NLGN1: variants seen among roughly 807,000 people sequenced by gnomAD.
NLGN1 encodes the protein neuroligin-1.
A neutral mutation model predicts 65.5 loss-of-function variants in NLGN1; 12 were observed. That is an observed-to-expected ratio of 0.18 (90% CI 0.12 to 0.30). NLGN1 has a LOEUF of 0.30. Among genes scored for constraint, NLGN1 ranks in the 10% least tolerant of loss-of-function variants. The probability of loss-of-function intolerance (pLI) is 1.00; values close to 1 mark genes in which losing one functional copy is unlikely to be tolerated. For synonymous variants in NLGN1, 350 were observed against 359.5 expected, an observed-to-expected ratio of 0.97 and a Z score of 0.30; for missense variants, 750 against 1,007.1, an observed-to-expected ratio of 0.74 and a Z score of 3.46.
intron 4 of NLGN1, among the ~76,000 whole-genome samples, chr3:174,234,970 A>G (rs1741412193): frequency 6.9e-6 from 1 of 144,990 alleles, no homozygotes; most frequent in African/African-American, 2.6e-5. Context: ...GAGCTTTGTA[A>G]AATAAAGGAA....
intron 4 of NLGN1, among the ~76,000 whole-genome samples, chr3:173,876,286 A>G (rs550235356): frequency 3.0e-4 from 46 of 152,254 alleles, no homozygotes; most frequent in Non-Finnish European, 5.4e-4. Flanking sequence ...GTTTTGCCTT[A>G]GTAACTTAAC....
At chr3:174,077,019 C>G (rs1580165516) in intron 4 of NLGN1, among the ~76,000 whole-genome samples, 1 of 152,222 alleles carries the variant, frequency 6.6e-6, no homozygotes, top group East Asian at 1.9e-4. Flanking sequence ...ATACAGAATT[C>G]TCTACAGCTA....
At chr3:173,879,713 A>T (rs1284587867) in intron 4 of NLGN1, among the ~76,000 whole-genome samples, 2 of 151,588 alleles carry the variant, frequency 1.3e-5, no homozygotes, top group South Asian at 2.1e-4. Context: ...GGATTCAGTT[A>T]TGTTCTTCCA....
At chr3:173,731,715 A>G (rs1772881087) in intron 3 of NLGN1, among the ~76,000 whole-genome samples, 1 of 152,080 alleles carries the variant, frequency 6.6e-6, no homozygotes, top group Non-Finnish European at 1.5e-5. Flanking sequence ...AAAAATACAA[A>G]TTCTGTTTAA....
chr3:173,723,658 A>G (rs954609226), intron 3 of NLGN1, among the ~76,000 whole-genome samples: 2 of 152,202 alleles, frequency 1.3e-5, no homozygotes, highest in Admixed American at 6.5e-5. Context: ...TTAATTTTCT[A>G]TATAAAAATA....
At chr3:173,581,207 TC>T (rs1204418105) in intron 2 of NLGN1, among the ~76,000 whole-genome samples, 1 of 152,040 alleles carries the variant, frequency 6.6e-6, no homozygotes, top group Non-Finnish European at 1.5e-5. Flanking sequence ...TATTAACTGC[TC>T]AATTGAGTTA....
intron 3 of NLGN1, among the ~76,000 whole-genome samples, chr3:173,760,127 C>T (rs1365773283): frequency 3.9e-5 from 6 of 151,986 alleles, no homozygotes; most frequent in Non-Finnish European, 2.9e-5. Flanking sequence ...ATAAAATCAC[C>T]TCTTTCACTA....
intron 3 of NLGN1, among the ~76,000 whole-genome samples, chr3:173,787,497 T>C (rs1782169296): frequency 6.6e-6 from 1 of 152,192 alleles, no homozygotes; most frequent in Non-Finnish European, 1.5e-5. Context: ...ATAGTTAATA[T>C]TAGTATTAAA....
chr3:173,736,478 G>A (rs980643662), intron 3 of NLGN1, among the ~76,000 whole-genome samples: 4 of 151,858 alleles, frequency 2.6e-5, no homozygotes, highest in Non-Finnish European at 5.9e-5. Context: ...AAAATGGAGG[G>A]GAAATATAAA....
intron 3 of NLGN1, among the ~76,000 whole-genome samples, chr3:173,635,668 T>C (rs1462998964): frequency 6.6e-6 from 1 of 152,208 alleles, no homozygotes; most frequent in Admixed American, 6.5e-5. Flanking sequence ...GGGTGCTTTC[T>C]ATACTTAGAA....
chr3:173,959,765 A>G (rs1036104060), intron 4 of NLGN1, among the ~76,000 whole-genome samples: 2 of 152,290 alleles, frequency 1.3e-5, no homozygotes, highest in African/African-American at 4.8e-5. Context: ...CAGTTTTGCT[A>G]GATTTATAAA....
intron 4 of NLGN1, among the ~76,000 whole-genome samples, chr3:173,994,702 G>T (rs1206778560): frequency 1.3e-5 from 2 of 151,988 alleles, no homozygotes; most frequent in African/African-American, 2.4e-5. Flanking sequence ...CTAATTTTTT[G>T]ACTTTAGGTT....
chr3:174,124,600 CATATAT>C, intron 4 of NLGN1, among the ~76,000 whole-genome samples: 1 of 144,460 alleles, frequency 6.9e-6, no homozygotes, highest in South Asian at 2.2e-4. Context: ...TATACGTATA[CATATAT>C]ACGTATATAT....
At chr3:173,726,322 C>G (rs1431925616) in intron 3 of NLGN1, among the ~76,000 whole-genome samples, 1 of 151,880 alleles carries the variant, frequency 6.6e-6, no homozygotes, top group Non-Finnish European at 1.5e-5. Context: ...GACATGAGCA[C>G]TATTCTTAAT....
At chr3:173,463,738 G>A (rs1394087308) in intron 2 of NLGN1, among the ~76,000 whole-genome samples, 1 of 152,116 alleles carries the variant, frequency 6.6e-6, no homozygotes, top group East Asian at 1.9e-4. Context: ...ACTGTATCAT[G>A]ATAGATTGAA....
chr3:173,506,650 C>A (rs1732086479), intron 2 of NLGN1, among the ~76,000 whole-genome samples: 1 of 152,012 alleles, frequency 6.6e-6, no homozygotes, highest in African/African-American at 2.4e-5. Context: ...CATATAAATA[C>A]CCATATTACA....
At chr3:173,636,254 C>T (rs1005509941) in intron 3 of NLGN1, among the ~76,000 whole-genome samples, 14 of 151,598 alleles carry the variant, frequency 9.2e-5, no homozygotes, top group African/African-American at 1.5e-4. Flanking sequence ...TCCATTTGCA[C>T]ACTGGTTTTT....
chr3:174,027,302 C>T (rs1297374440), intron 4 of NLGN1, among the ~76,000 whole-genome samples: 2 of 152,142 alleles, frequency 1.3e-5, no homozygotes, highest in African/African-American at 2.4e-5. Context: ...CAACCCTTCT[C>T]TCTTATACCC....
chr3:174,014,864 C>T (rs1357260598), intron 4 of NLGN1, among the ~76,000 whole-genome samples: 2 of 151,996 alleles, frequency 1.3e-5, no homozygotes, highest in African/African-American at 2.4e-5. Context: ...AGTTCCTGAC[C>T]CCAAGTAGAG....
Sources: gnomAD v4.1 joint callset for allele counts (sites outside exome capture counted in the v4.1 genomes callset) on GRCh38, gnomAD v4.1.1 for gene constraint, MANE v1.5 for transcripts, NCBI Gene and HGNC (gene_info 2026-07-23, HGNC 2026-07-21) for gene names.